Variants in NSMCE2 observed in about 807,000 individuals in gnomAD.
The protein encoded by NSMCE2 is E3 SUMO-protein ligase NSE2.
A neutral mutation model predicts 23.8 loss-of-function variants in NSMCE2; 24 were observed. The ratio of observed to expected loss-of-function variants is 1.01; its 90% CI spans 0.73 to 1.42. NSMCE2 has a LOEUF of 1.42. Among genes scored for constraint, NSMCE2 ranks in the 40% most tolerant of loss-of-function variants. The pLI is 0.00. For missense variants in NSMCE2, 284 were observed against 296.5 expected (o/e 0.96, Z 0.31); for synonymous variants, 92 against 94.1 (o/e 0.98, Z 0.13).
At chr8:125,280,093 G>A (rs569912951) in intron 5 of NSMCE2, among the ~76,000 whole-genome samples, 24 of 152,318 alleles carry the variant, frequency 1.6e-4, no homozygotes, top group Admixed American at 1.3e-3. Flanking sequence ...TGCCAAGAAA[G>A]TGATGATTTT....
At chr8:125,105,576 G>T (rs1342890460) in intron 3 of NSMCE2, among the ~76,000 whole-genome samples, 1 of 152,012 alleles carries the variant, frequency 6.6e-6, no homozygotes, top group East Asian at 1.9e-4. Flanking sequence ...AAAGGTTCAT[G>T]CTCTAAAGCC....
chr8:125,267,003 C>CTTTTTTTTTTTTTTT (rs35990794), intron 5 of NSMCE2, among the ~76,000 whole-genome samples: 2 of 111,990 alleles, frequency 1.8e-5, no homozygotes, highest in Non-Finnish European at 3.5e-5. Flanking sequence ...TTTTTTCTTT[C>CTTTTTTTTTTTTTTT]TTTTTTTTTT....
intron 5 of NSMCE2, among the ~76,000 whole-genome samples, chr8:125,201,823 C>G (rs529335002): frequency 1.1e-4 from 17 of 152,214 alleles, no homozygotes; most frequent in Non-Finnish European, 1.9e-4. Flanking sequence ...AGGCAGTAGC[C>G]CTTGATGAGC....
intron 5 of NSMCE2, among the ~76,000 whole-genome samples, chr8:125,211,877 A>G (rs1824360182): frequency 6.6e-6 from 1 of 152,186 alleles, no homozygotes; most frequent in African/African-American, 2.4e-5. Flanking sequence ...TTGCAATCTT[A>G]GATAATCTTA....
intron 4 of NSMCE2, among the ~76,000 whole-genome samples, chr8:125,176,430 GT>G (rs1341490384): frequency 3.3e-5 from 5 of 152,066 alleles, no homozygotes; most frequent in Admixed American, 3.3e-4. Flanking sequence ...CCCTTAAAAT[GT>G]GATATCCTCC....
At chr8:125,362,970 C>T (rs1307008262) in intron 7 of NSMCE2, 2 of 152,370 alleles carry the variant, frequency 1.3e-5, no homozygotes, top group African/African-American at 4.8e-5. Flanking sequence ...CTTCCCTCTC[C>T]ACTGCTTATT....
At chr8:125,182,323 C>T in intron 5 of NSMCE2, 67 bp downstream of exon 5, 3 of 1,185,574 alleles carry the variant, frequency 2.5e-6, no homozygotes, top group Non-Finnish European at 2.4e-6. Flanking sequence ...TGAACAGCCC[C>T]AGTTAACTGA....
intron 3 of NSMCE2, among the ~76,000 whole-genome samples, chr8:125,136,832 A>G (rs758546696): frequency 2.6e-5 from 4 of 152,182 alleles, no homozygotes; most frequent in Non-Finnish European, 5.9e-5. Flanking sequence ...TGATGATTTC[A>G]GTCAATTAAA....
At chr8:125,353,185 G>C (rs528116847) in intron 5 of NSMCE2, among the ~76,000 whole-genome samples, 3 of 152,230 alleles carry the variant, frequency 2.0e-5, no homozygotes, top group African/African-American at 7.2e-5. Flanking sequence ...TCATCCAGCA[G>C]ATTTTCTGGT....
At chr8:125,331,056 C>T (rs1031410010) in intron 5 of NSMCE2, among the ~76,000 whole-genome samples, 2 of 152,178 alleles carry the variant, frequency 1.3e-5, no homozygotes, top group Non-Finnish European at 2.9e-5. Flanking sequence ...AATCCCAGCA[C>T]TTTGGGAGGC....
intron 5 of NSMCE2, among the ~76,000 whole-genome samples, chr8:125,234,563 G>A (rs1199124602): frequency 6.6e-6 from 1 of 151,966 alleles, no homozygotes; most frequent in African/African-American, 2.4e-5. Flanking sequence ...GTAATTACTG[G>A]CAAATTACCA....
At chr8:125,215,015 T>G (rs1031737126) in intron 5 of NSMCE2, among the ~76,000 whole-genome samples, 2 of 115,644 alleles carry the variant, frequency 1.7e-5, no homozygotes, top group Admixed American at 7.8e-5. Flanking sequence ...GTAACCACTT[T>G]ATTTTATTTT....
chr8:125,118,398 C>T (rs1481081309), intron 3 of NSMCE2, among the ~76,000 whole-genome samples: 2 of 151,936 alleles, frequency 1.3e-5, no homozygotes, highest in African/African-American at 4.8e-5. Flanking sequence ...CAAACAAACA[C>T]ACACACACAG....
chr8:125,246,759 G>A (rs1011645046), intron 5 of NSMCE2, among the ~76,000 whole-genome samples: 1 of 151,834 alleles, frequency 6.6e-6, no homozygotes, highest in African/African-American at 2.4e-5. Flanking sequence ...TCTTTATTGA[G>A]GTATGATTGA....
intron 3 of NSMCE2, among the ~76,000 whole-genome samples, chr8:125,140,976 G>T (rs1180796172): frequency 6.6e-6 from 1 of 152,186 alleles, no homozygotes; most frequent in Non-Finnish European, 1.5e-5. Flanking sequence ...TGGCCGTGAA[G>T]ATTTGGAGGC....
At chr8:125,110,866 G>T (rs1207411571) in intron 3 of NSMCE2, among the ~76,000 whole-genome samples, 1 of 149,958 alleles carries the variant, frequency 6.7e-6, no homozygotes, top group East Asian at 2.0e-4. Context: ...TCTCATGGAG[G>T]TCATGTATGG....
At chr8:125,226,505 G>C (rs1231223917) in intron 5 of NSMCE2, among the ~76,000 whole-genome samples, 1 of 152,174 alleles carries the variant, frequency 6.6e-6, no homozygotes, top group African/African-American at 2.4e-5. Context: ...CTGCAGCCGG[G>C]ATCAGTCAAG....
intron 5 of NSMCE2, among the ~76,000 whole-genome samples, chr8:125,187,203 G>A (rs1003216765): frequency 4.6e-5 from 7 of 152,112 alleles, no homozygotes; most frequent in African/African-American, 1.2e-4. Context: ...TTCAGATACC[G>A]CCTATCTTAG....
At chr8:125,177,155 A>G (rs1265725121) in intron 4 of NSMCE2, among the ~76,000 whole-genome samples, 2 of 152,214 alleles carry the variant, frequency 1.3e-5, no homozygotes, top group Admixed American at 1.3e-4. Context: ...TTAGAAGGAA[A>G]AGAATAAAAG....
Sources: allele counts gnomAD v4.1 joint callset (sites outside exome capture counted in the v4.1 genomes callset), GRCh38; gene constraint gnomAD v4.1.1; transcripts MANE v1.5; gene names NCBI Gene and HGNC (gene_info 2026-07-23, HGNC 2026-07-21).